The following KLF8 variants were observed in gnomAD, a reference collection of about 807,000 sequenced individuals.
The protein encoded by KLF8 is KLF transcription factor 8, also known as Krueppel-like factor 8.
A neutral mutation model predicts 18.2 loss-of-function variants in KLF8; 10 were observed. The ratio of observed to expected loss-of-function variants is 0.55; its 90% confidence interval spans 0.34 to 0.93. KLF8 has a LOEUF of 0.93. Ranked by LOEUF, KLF8 falls within the 40% of genes least tolerant of loss-of-function variation. KLF8 has a pLI of 0.02. For synonymous variants in KLF8, 109 were observed against 97.3 expected (o/e 1.12, Z -0.71); for missense variants, 264 against 277.9 (o/e 0.95, Z 0.36).
At chrX:56,177,398 T>C in the KLF8 span, among the ~76,000 whole-genome samples, 2 of 111,106 alleles carry the variant, frequency 1.8e-5, no homozygotes, top group African/African-American at 3.3e-5. Flanking sequence ...GTATCAGCAG[T>C]GGAGGCTGCA....
chrX:56,081,104 T>A, the KLF8 span, among the ~76,000 whole-genome samples: 6 of 111,589 alleles, frequency 5.4e-5, no homozygotes, highest in African/African-American at 2.0e-4. Context: ...ATGTCCTCCC[T>A]TAGCTCAGAG....
chrX:56,135,459 C>T, the KLF8 span, among the ~76,000 whole-genome samples: 1 of 110,253 alleles, frequency 9.1e-6, no homozygotes, highest in Non-Finnish European at 1.9e-5. Context: ...GAACAAAAAA[C>T]CAAACACCGC....
At chrX:56,197,127 C>T in the KLF8 span, among the ~76,000 whole-genome samples, 1 of 110,938 alleles carries the variant, frequency 9.0e-6, no homozygotes, top group Non-Finnish European at 1.9e-5. Context: ...CACTAAATAC[C>T]CACAAGAGAA....
chrX:56,045,256 G>A, the KLF8 span, among the ~76,000 whole-genome samples: 1 of 111,872 alleles, frequency 8.9e-6, no homozygotes, highest in Non-Finnish European at 1.9e-5. Context: ...ATTGGTCTAT[G>A]TGCCTATATT....
At chrX:56,236,475 T>C (rs1228106942) in intron 1 of KLF8, among the ~76,000 whole-genome samples, 1 of 111,043 alleles carries the variant, frequency 9.0e-6, no homozygotes, top group Non-Finnish European at 1.9e-5. Context: ...TTTTCTCATT[T>C]AATTAGATGC....
chrX:55,947,564 C>G, the KLF8 span, among the ~76,000 whole-genome samples: 2 of 109,470 alleles, frequency 1.8e-5, no homozygotes, highest in East Asian at 5.8e-4. Context: ...GTGCAGCACA[C>G]CAGCATGGCA....
the KLF8 span, among the ~76,000 whole-genome samples, chrX:56,051,456 C>G: frequency 9.1e-6 from 1 of 110,425 alleles, no homozygotes; most frequent in Non-Finnish European, 1.9e-5. Flanking sequence ...TCTTGTAAGG[C>G]AGGCCTGGTG....
chrX:56,176,695 T>C, the KLF8 span, among the ~76,000 whole-genome samples: 2 of 111,678 alleles, frequency 1.8e-5, no homozygotes, highest in Non-Finnish European at 3.8e-5. Flanking sequence ...TCCTGCAGAG[T>C]GTTTTCCAAC....
At chrX:56,073,786 C>A in the KLF8 span, among the ~76,000 whole-genome samples, 1 of 105,117 alleles carries the variant, frequency 9.5e-6, no homozygotes, top group Non-Finnish European at 2.0e-5. Context: ...ACTCTTCTCG[C>A]CCAGTCTTGA....
At chrX:56,131,473 A>G in the KLF8 span, among the ~76,000 whole-genome samples, 2 of 111,943 alleles carry the variant, frequency 1.8e-5, no homozygotes, top group African/African-American at 6.5e-5. Flanking sequence ...CAGCAGTACA[A>G]GAACTGCTAA....
chrX:56,269,611 A>T, intron 4 of KLF8, 122 bp downstream of exon 4: 1 of 1,015,598 alleles, frequency 9.8e-7, no homozygotes, highest in Non-Finnish European at 1.3e-6. Flanking sequence ...TTTGAGGACA[A>T]GAAATATAGG....
At chrX:55,913,378 T>C in the KLF8 span, among the ~76,000 whole-genome samples, 3 of 111,660 alleles carry the variant, frequency 2.7e-5, no homozygotes, top group African/African-American at 6.5e-5. Flanking sequence ...AGGGTCTTTA[T>C]AGAGGTAAAA....
chrX:56,113,360 T>C, the KLF8 span, among the ~76,000 whole-genome samples: 1 of 109,993 alleles, frequency 9.1e-6, no homozygotes, highest in Non-Finnish European at 1.9e-5. Flanking sequence ...TTAAATGTTA[T>C]GTGGTAACTC....
the KLF8 span, among the ~76,000 whole-genome samples, chrX:56,014,569 C>T: frequency 8.9e-6 from 1 of 112,231 alleles, no homozygotes; most frequent in Admixed American, 9.4e-5. Context: ...GACAGTGTGG[C>T]TATTCCTCAA....
At chrX:56,210,032 A>C in the KLF8 span, among the ~76,000 whole-genome samples, 6 of 111,484 alleles carry the variant, frequency 5.4e-5, no homozygotes, top group Non-Finnish European at 1.1e-4. Flanking sequence ...TTTATTTTTT[A>C]TTGGTTCATT....
At chrX:56,266,616 C>T (rs2066976914) in intron 3 of KLF8, 2 of 750,357 alleles carry the variant, frequency 2.7e-6, no homozygotes, top group Non-Finnish European at 3.1e-6. Flanking sequence ...AATTAAGTCT[C>T]TCTTCCACCA....
chrX:55,947,135 G>C, the KLF8 span, among the ~76,000 whole-genome samples: 1 of 111,085 alleles, frequency 9.0e-6, no homozygotes, highest in Non-Finnish European at 1.9e-5. Flanking sequence ...TCCCATTACT[G>C]AGTATATACC....
the KLF8 span, among the ~76,000 whole-genome samples, chrX:56,183,893 C>T: frequency 4.6e-3 from 511 of 111,381 alleles, 1 homozygote; most frequent in African/African-American, 0.016. Context: ...AGGTGGCAGC[C>T]AAGATGGCCG....
the KLF8 span, among the ~76,000 whole-genome samples, chrX:56,035,000 C>G: frequency 2.7e-5 from 3 of 110,040 alleles, no homozygotes; most frequent in African/African-American, 9.9e-5. Context: ...CGTGATCCGC[C>G]CGCCTCGGCC....
Sources: gnomAD v4.1 joint callset for allele counts (sites outside exome capture counted in the v4.1 genomes callset) on GRCh38, gnomAD v4.1.1 for gene constraint, MANE v1.5 for transcripts, NCBI Gene and HGNC (gene_info 2026-07-23, HGNC 2026-07-21) for gene names.